The following PDE9A variants were observed in gnomAD, a reference collection of about 807,000 sequenced individuals.
PDE9A encodes phosphodiesterase 9A.
Under a neutral mutation model 87.4 loss-of-function variants are expected in PDE9A, and 60 were observed. The observed-to-expected ratio is 0.69, with a 90% CI of 0.56 to 0.85. PDE9A has a LOEUF of 0.85. PDE9A is among the 40% of genes least tolerant of loss of function. The probability of loss-of-function intolerance (pLI) is 0.00; values close to 1 mark genes in which losing one functional copy is unlikely to be tolerated. For missense variants in PDE9A, 665 were observed against 779.0 expected, an observed-to-expected ratio of 0.85 and a Z score of 1.74; for synonymous variants, 272 against 279.4, an observed-to-expected ratio of 0.97 and a Z score of 0.27.
intron 14 of PDE9A, among the ~76,000 whole-genome samples, chr21:42,764,326 T>C (rs1291021385): frequency 6.6e-6 from 1 of 152,210 alleles, no homozygotes; most frequent in East Asian, 1.9e-4. Context: ...CTCTCCTCCA[T>C]GTTTGTGCCC....
chr21:42,682,266 T>C (rs1489617609), intron 1 of PDE9A, among the ~76,000 whole-genome samples: 1 of 152,280 alleles, frequency 6.6e-6, no homozygotes, highest in Non-Finnish European at 1.5e-5. Flanking sequence ...TGAAGCAATG[T>C]TGAAATGGAC....
intron 1 of PDE9A, among the ~76,000 whole-genome samples, chr21:42,671,950 G>A (rs1439462876): frequency 4.6e-5 from 7 of 152,094 alleles, no homozygotes; most frequent in Non-Finnish European, 8.8e-5. Flanking sequence ...CCCCAAGCCC[G>A]GCTGAGATGT....
At chr21:42,716,747 C>CTTTTTTTTT (rs60104683) in intron 4 of PDE9A, among the ~76,000 whole-genome samples, 13 of 94,268 alleles carry the variant, frequency 1.4e-4, no homozygotes, top group East Asian at 1.1e-3. Context: ...TTATAATTTC[C>CTTTTTTTTT]TTTTTTTTTT....
At chr21:42,755,524 C>T (rs1056749442) in intron 10 of PDE9A, among the ~76,000 whole-genome samples, 5 of 152,186 alleles carry the variant, frequency 3.3e-5, no homozygotes, top group African/African-American at 1.2e-4. Flanking sequence ...AGGACCGGGG[C>T]GCAGAGACGA....
intron 4 of PDE9A, among the ~76,000 whole-genome samples, chr21:42,712,779 G>A (rs1042337010): frequency 4.6e-5 from 7 of 152,136 alleles, no homozygotes; most frequent in African/African-American, 1.7e-4. Context: ...CAGCTACTGA[G>A]GTGGGTTGAG....
At chr21:42,766,667 G>T (rs2056433110) in intron 15 of PDE9A, among the ~76,000 whole-genome samples, 1 of 152,210 alleles carries the variant, frequency 6.6e-6, no homozygotes, top group African/African-American at 2.4e-5. Flanking sequence ...ACCTCCCCAG[G>T]CCAGGGCCAC....
intron 4 of PDE9A, among the ~76,000 whole-genome samples, chr21:42,699,215 G>A (rs1157939805): frequency 6.6e-6 from 1 of 152,212 alleles, no homozygotes; most frequent in African/African-American, 2.4e-5. Flanking sequence ...CTGAAACCTT[G>A]TACTACTGTA....
chr21:42,657,456 G>A (rs921056840), intron 1 of PDE9A, among the ~76,000 whole-genome samples: 2 of 152,232 alleles, frequency 1.3e-5, no homozygotes, highest in African/African-American at 2.4e-5. Flanking sequence ...GAGCTGAAGC[G>A]CTTCGTCTTT....
At chr21:42,719,639 C>CAA (rs35644198) in intron 4 of PDE9A, among the ~76,000 whole-genome samples, 20 of 131,132 alleles carry the variant, frequency 1.5e-4, no homozygotes, top group Admixed American at 1.6e-4. Flanking sequence ...GAGTCTGTCT[C>CAA]AAAAAAAAAA....
chr21:42,743,916 A>G (rs936877151), intron 8 of PDE9A, 56 bp downstream of exon 8: 48 of 997,762 alleles, frequency 4.8e-5, no homozygotes, highest in Non-Finnish European at 2.8e-5. Flanking sequence ...TCCCCGTACC[A>G]GTTGGGCTGG....
intron 9 of PDE9A, among the ~76,000 whole-genome samples, chr21:42,751,526 T>A (rs1415241058): frequency 6.6e-6 from 1 of 152,226 alleles, no homozygotes; most frequent in Non-Finnish European, 1.5e-5. Context: ...ACTGAATTTT[T>A]AAAAATCCAT....
chr21:42,688,049 A>C, intron 3 of PDE9A, 55 bp downstream of exon 3: 1 of 1,359,946 alleles, frequency 7.4e-7, no homozygotes, highest in Non-Finnish European at 1.0e-6. Context: ...TCTCCATGAC[A>C]TGGGAGGCTT....
chr21:42,739,887 C>T lies in PDE9A; in HGVS notation c.569-3889C>T, dbSNP rs1414805573. Among the ~76,000 whole-genome samples the T allele has an allele frequency of 6.6e-6, 1 of 152,028 alleles. No homozygotes were observed. The highest frequency in any genetic ancestry group is 1.5e-5 in the Non-Finnish European group (1 of 68,022). ...ATGAAGCCCTTGGTATTTATTTATC[C>T]TGCTCAGTATGATAAATAGCATTTT... is the stretch of plus-strand genomic sequence containing the variant. On this transcript the variant is annotated intron_variant, in intron 7 of 19. Transcript: ENST00000291539. This position sits in a 1 kb window ranked among gnomAD's most constrained non-coding sequence, Gnocchi z 4.1.
At chr21:42,680,059 G>A (rs1166999425) in intron 1 of PDE9A, among the ~76,000 whole-genome samples, 2 of 152,190 alleles carry the variant, frequency 1.3e-5, no homozygotes, top group Non-Finnish European at 2.9e-5. Flanking sequence ...AGCCTGGGCG[G>A]GCCTGGGCTC....
chr21:42,670,586 CAT>C (rs2058477901), intron 1 of PDE9A, among the ~76,000 whole-genome samples: 1 of 151,486 alleles, frequency 6.6e-6, no homozygotes, highest in African/African-American at 2.4e-5. Context: ...CACATACACG[CAT>C]ACACTTACAC....
chr21:42,729,402 G>T (rs2051486638), intron 4 of PDE9A, among the ~76,000 whole-genome samples: 1 of 152,114 alleles, frequency 6.6e-6, no homozygotes, highest in Non-Finnish European at 1.5e-5. Context: ...TGTCAGTCTT[G>T]CTAGAAGTTT....
intron 1 of PDE9A, among the ~76,000 whole-genome samples, chr21:42,678,002 C>T (rs1345628769): frequency 2.6e-5 from 4 of 152,234 alleles, no homozygotes; most frequent in Non-Finnish European, 5.9e-5. Flanking sequence ...AATGTCTGTG[C>T]AAGAAACCCA....
chr21:42,702,958 C>G lies in PDE9A; in HGVS notation c.262+3947C>G, dbSNP rs1481704281. 6.6e-6 allele frequency among the ~76,000 whole-genome samples: 1 copy of G among 152,164 alleles called. No individual in the cohort carries two copies. Among genetic ancestry groups the G allele is most frequent in the Non-Finnish European group, 1.5e-5 (1 of 68,042 alleles). On this transcript the variant is annotated intron_variant, in intron 4 of 19. Coordinates refer to ENST00000291539, the MANE Select transcript of PDE9A (RefSeq NM_002606.3). The surrounding 1 kb of genome is among the most constrained non-coding windows in gnomAD (Gnocchi z 4.9). ...CTTGCTCAGGGCGCTGGGTCGAGAT[C>G]ACGAAAGGGAAGTGGCAGCAAAGGT...
At chr21:42,654,454 C>A (rs1202420621) in intron 1 of PDE9A, among the ~76,000 whole-genome samples, 1 of 152,200 alleles carries the variant, frequency 6.6e-6, no homozygotes, top group Non-Finnish European at 1.5e-5. Context: ...TCCTAGCGGA[C>A]TTGAGTTACA....
Sources: gnomAD v4.1 joint callset for allele counts (sites outside exome capture counted in the v4.1 genomes callset) on GRCh38, gnomAD v4.1.1 for gene constraint, Gnocchi (gnomAD v3.1) non-coding constraint, MANE v1.5 for transcripts, NCBI Gene and HGNC (gene_info 2026-07-23, HGNC 2026-07-21) for gene names.